MAOA: variants seen among roughly 807,000 people sequenced by gnomAD.
MAOA encodes the protein amine oxidase [flavin-containing] A.
A neutral mutation model predicts 42.0 loss-of-function variants in MAOA; 6 were observed. The observed-to-expected ratio is 0.14, with a 90% CI of 0.08 to 0.28. The LOEUF (loss-of-function observed/expected upper bound fraction) is 0.28. Among genes scored for constraint, MAOA ranks in the 10% least tolerant of loss-of-function variants. The pLI is 1.00. For synonymous variants in MAOA, 140 were observed against 154.0 expected (o/e 0.91, Z 0.67); for missense variants, 262 against 422.3 (o/e 0.62, Z 3.33).
intron 4 of MAOA, among the ~76,000 whole-genome samples, chrX:43,712,233 C>T (rs2033705262): frequency 9.0e-6 from 1 of 111,326 alleles, no homozygotes; most frequent in Non-Finnish European, 1.9e-5. Flanking sequence ...TGCCTGTGTG[C>T]CTTCAACTCT....
chrX:43,661,973 G>T (rs2033237176), intron 1 of MAOA, among the ~76,000 whole-genome samples: 1 of 111,443 alleles, frequency 9.0e-6, no homozygotes, highest in Admixed American at 9.6e-5. Context: ...AAGCCATTTT[G>T]CAAGAGAAAT....
chrX:43,704,802 T>A (rs2033647822), intron 3 of MAOA, among the ~76,000 whole-genome samples: 1 of 111,945 alleles, frequency 8.9e-6, no homozygotes, highest in Non-Finnish European at 1.9e-5. Context: ...TAAATTTTAT[T>A]TCTAATACAG....
chrX:43,675,010 G>T (rs1178493615), intron 1 of MAOA, among the ~76,000 whole-genome samples: 1 of 111,888 alleles, frequency 8.9e-6, no homozygotes, highest in African/African-American at 3.2e-5. Flanking sequence ...CTAGATTGGG[G>T]AAGTTCTCCT....
At chrX:43,704,657 A>T (rs1434306377) in intron 3 of MAOA, among the ~76,000 whole-genome samples, 1 of 105,411 alleles carries the variant, frequency 9.5e-6, no homozygotes, top group Admixed American at 1.0e-4. Context: ...GGCAAGAAAT[A>T]AAAAAAAAAA....
intron 12 of MAOA, among the ~76,000 whole-genome samples, chrX:43,742,480 A>G (rs987092039): frequency 1.8e-5 from 2 of 112,516 alleles, no homozygotes; most frequent in East Asian, 5.6e-4. Flanking sequence ...AAGAGTCCTC[A>G]CTGTATACAG....
At position 43,740,693 on chromosome X, in the gene MAOA, C is replaced by A. The variant is rs200913136; in HGVS notation, c.1119C>A (p.Ile373=). 10 of 1,178,263 alleles carry A rather than the reference C, an allele frequency of 8.5e-6. No individual in the cohort carries two copies. In the East Asian group the frequency reaches 2.5e-4, roughly 29 times the overall value. The change falls in exon 11 of 15, where the codon ATC becomes ATA. Residue 373 remains isoleucine (I), a synonymous_variant. Transcript: ENST00000338702. ...KLHKEIRKKK[I]CELYAKVLGS... ...CTCTGTTTTATAGGAAGAAGAAAAT[C>A]TGTGAGCTCTATGCCAAAGTGCTGG...
intron 2 of MAOA, among the ~76,000 whole-genome samples, chrX:43,690,729 CATAA>C (rs1405672268): frequency 2.8e-5 from 3 of 107,583 alleles, no homozygotes; most frequent in African/African-American, 9.8e-5. Flanking sequence ...AGATGGAAAA[CATAA>C]ATAAAGATAA....
At position 43,667,149 on chromosome X, in the gene MAOA, A is replaced by G. The variant is rs923751150; in HGVS notation, c.73+10735A>G. On this transcript the variant is annotated intron_variant, in intron 1 of 14. Transcript: ENST00000338702. Reference sequence around the variant, plus strand: ...GAACTTAAAGTATATATATAAAAAAAGATCTCTGCTTTAATGTCACCTCTC... The same window carrying G: ...GAACTTAAAGTATATATATAAAAAAGGATCTCTGCTTTAATGTCACCTCTC... Among the ~76,000 whole-genome samples the G allele has an allele frequency of 4.5e-5, 5 of 111,289 alleles. No individual in the cohort carries two copies. In the South Asian group the frequency reaches 1.9e-3, roughly 43 times the overall value.
intron 5 of MAOA, among the ~76,000 whole-genome samples, chrX:43,716,120 G>C (rs1344377318): frequency 9.0e-6 from 1 of 111,305 alleles, no homozygotes; most frequent in Non-Finnish European, 1.9e-5. Context: ...AAAAGATAGT[G>C]AGGCAGGATG....
intron 2 of MAOA, among the ~76,000 whole-genome samples, chrX:43,689,779 A>G (rs1037228460): frequency 4.5e-5 from 5 of 111,543 alleles, no homozygotes; most frequent in African/African-American, 1.6e-4. Flanking sequence ...TCTACTTGAA[A>G]CACACCCTTT....
At chrX:43,681,878 A>ATTTTTTT (rs1282241261) in intron 1 of MAOA, among the ~76,000 whole-genome samples, 2 of 80,383 alleles carry the variant, frequency 2.5e-5, no homozygotes, top group Non-Finnish European at 2.3e-5. Context: ...ATATATATAT[A>ATTTTTTT]TATTTTTTTT....
intron 1 of MAOA, among the ~76,000 whole-genome samples, chrX:43,666,216 T>C (rs2033276606): frequency 8.9e-6 from 1 of 112,030 alleles, no homozygotes; most frequent in Admixed American, 9.5e-5. Context: ...CACATTTCTG[T>C]TTTTTCATAA....
Position 43,662,696 on chromosome X carries a change from G to C in MAOA, c.73+6282G>C, listed in dbSNP as rs756298043. Among the ~76,000 whole-genome samples, 149 of 111,273 alleles carry C rather than the reference G, an allele frequency of 1.3e-3. 1 individual carries two copies. Among genetic ancestry groups the C allele is most frequent in the Non-Finnish European group, 1.4e-3 (76 of 52,885 alleles). On this transcript the variant is annotated intron_variant, in intron 1 of 14. Coordinates refer to ENST00000338702, the MANE Select transcript of MAOA (RefSeq NM_000240.4). ...TCAGAAAGACTAAGGTTGTATTCTAGTTTTATATTACATATAGGGTGCCCA... is the reference window on the plus strand; with the variant it reads ...TCAGAAAGACTAAGGTTGTATTCTACTTTTATATTACATATAGGGTGCCCA...
At chrX:43,710,483 T>G (rs1291169218) in intron 3 of MAOA, among the ~76,000 whole-genome samples, 1 of 112,403 alleles carries the variant, frequency 8.9e-6, no homozygotes, top group Non-Finnish European at 1.9e-5. Flanking sequence ...AGTTTTGTTT[T>G]AGCCCTTTAA....
chrX:43,676,011 GCTGT>G (rs1032492650), intron 1 of MAOA, among the ~76,000 whole-genome samples: 9 of 112,341 alleles, frequency 8.0e-5, no homozygotes, highest in African/African-American at 2.9e-4. Flanking sequence ...AGAGGTTACT[GCTGT>G]CTTTTTGTTT....
intron 3 of MAOA, among the ~76,000 whole-genome samples, chrX:43,700,522 G>A (rs893049022): frequency 1.8e-5 from 2 of 111,718 alleles, no homozygotes; most frequent in Admixed American, 9.6e-5. Flanking sequence ...TATGTGGCAC[G>A]GTGGCTTCTC....
chrX:43,677,770 T>C (rs1015241948), intron 1 of MAOA, among the ~76,000 whole-genome samples: 3 of 111,911 alleles, frequency 2.7e-5, no homozygotes, highest in Non-Finnish European at 5.6e-5. Context: ...TGAATGTAGT[T>C]TCTCTGACCT....
intron 5 of MAOA, among the ~76,000 whole-genome samples, chrX:43,726,913 T>C (rs2033841515): frequency 9.0e-6 from 1 of 111,690 alleles, no homozygotes; most frequent in Admixed American, 9.5e-5. Flanking sequence ...GCTTGTTAGT[T>C]TTCCTTCTAA....
At chrX:43,695,129 C>T (rs761403804) in intron 3 of MAOA, among the ~76,000 whole-genome samples, 6 of 111,363 alleles carry the variant, frequency 5.4e-5, no homozygotes, top group South Asian at 3.8e-4. Context: ...TTCATTATCC[C>T]GATATATGGC....
Sources: allele counts gnomAD v4.1 joint callset (sites outside exome capture counted in the v4.1 genomes callset), GRCh38; gene constraint gnomAD v4.1.1; transcripts MANE v1.5; gene names NCBI Gene and HGNC (gene_info 2026-07-23, HGNC 2026-07-21).